Variants in RBFOX2 observed in about 807,000 individuals in gnomAD.
RBFOX2 encodes RNA binding fox-1 homolog 2, also known as RNA binding protein fox-1 homolog 2.
RBFOX2 carries 10 observed loss-of-function variants against 49.1 expected under a neutral mutation model. The observed-to-expected ratio is 0.20, with a 90% confidence interval of 0.13 to 0.35. The LOEUF is 0.35. RBFOX2 is among the 10% of genes least tolerant of loss of function. RBFOX2 has a pLI of 1.00. For missense variants in RBFOX2, 323 were observed against 486.9 expected (o/e 0.66, Z 3.17); for synonymous variants, 183 against 187.4 (o/e 0.98, Z 0.19).
At chr22:35,896,297 G>C (rs191802780) in intron 1 of RBFOX2, among the ~76,000 whole-genome samples, 1 of 152,098 alleles carries the variant, frequency 6.6e-6, no homozygotes, top group Non-Finnish European at 1.5e-5. Flanking sequence ...ATAGTACCTA[G>C]CACACAGTAG....
chr22:35,840,031 C>T (rs918266792), intron 1 of RBFOX2, among the ~76,000 whole-genome samples: 8 of 152,162 alleles, frequency 5.3e-5, no homozygotes, highest in African/African-American at 9.7e-5. Flanking sequence ...CACACATAAA[C>T]GGACTCAACA....
At chr22:35,861,664 G>A (rs1279145651) in intron 1 of RBFOX2, among the ~76,000 whole-genome samples, 3 of 152,186 alleles carry the variant, frequency 2.0e-5, no homozygotes, top group Admixed American at 6.5e-5. Context: ...TGGAGGAACC[G>A]AAAGTCTCAT....
At chr22:36,017,906 TCTG>T (rs2059104513) in intron 1 of RBFOX2, among the ~76,000 whole-genome samples, 2 of 152,180 alleles carry the variant, frequency 1.3e-5, no homozygotes, top group Admixed American at 6.5e-5. Context: ...TACCCCAGCT[TCTG>T]TTTTCAGAGA....
chr22:35,992,457 C>A (rs60534276), intron 1 of RBFOX2: 1 of 152,154 alleles, frequency 6.6e-6, no homozygotes, highest in South Asian at 2.1e-4. Context: ...TCATCTAGCC[C>A]GGCAGACTTC....
chr22:35,740,418 A>C (rs1167747489), exon 12 of RBFOX2: 3 of 152,628 alleles, frequency 2.0e-5, no homozygotes, highest in Non-Finnish European at 2.9e-5. Context: ...TGACAAAATA[A>C]AAACACACAA....
chr22:35,885,225 C>A (rs1304386853), intron 1 of RBFOX2, among the ~76,000 whole-genome samples: 25 of 152,116 alleles, frequency 1.6e-4, no homozygotes, highest in Admixed American at 1.6e-3. Flanking sequence ...CCAACACGTG[C>A]TCTGACCACC....
chr22:35,988,586 G>A (rs1014740754), intron 1 of RBFOX2, among the ~76,000 whole-genome samples: 1 of 152,090 alleles, frequency 6.6e-6, no homozygotes, highest in Admixed American at 6.6e-5. Context: ...TGCCATAAAG[G>A]GTAGAAGGAG....
At chr22:35,879,291 G>T (rs1410902349) in intron 1 of RBFOX2, among the ~76,000 whole-genome samples, 1 of 152,114 alleles carries the variant, frequency 6.6e-6, no homozygotes, top group Non-Finnish European at 1.5e-5. Context: ...ATTCGTACTG[G>T]ATATGTACAG....
At chr22:35,926,811 C>G (rs375975507) in intron 1 of RBFOX2, among the ~76,000 whole-genome samples, 1 of 152,064 alleles carries the variant, frequency 6.6e-6, no homozygotes. Context: ...AAAACCAAAC[C>G]CATTACCACC....
At chr22:35,976,818 G>A (rs1444565812) in intron 1 of RBFOX2, among the ~76,000 whole-genome samples, 2 of 152,050 alleles carry the variant, frequency 1.3e-5, no homozygotes, top group Non-Finnish European at 2.9e-5. Flanking sequence ...CAAAAAATTA[G>A]CTGGCCACAG....
At chr22:35,908,127 T>C (rs967738359) in intron 1 of RBFOX2, among the ~76,000 whole-genome samples, 3 of 152,164 alleles carry the variant, frequency 2.0e-5, no homozygotes, top group South Asian at 2.1e-4. Context: ...ACCAAAATGA[T>C]AGAAATAAAA....
intron 2 of RBFOX2, among the ~76,000 whole-genome samples, chr22:35,799,916 T>G (rs1488460140): frequency 2.6e-5 from 4 of 152,100 alleles, no homozygotes; most frequent in African/African-American, 4.8e-5. Flanking sequence ...ACCATGCCAC[T>G]GCACTCCAGC....
intron 1 of RBFOX2, among the ~76,000 whole-genome samples, chr22:36,008,992 T>C (rs1201737506): frequency 6.6e-6 from 1 of 152,098 alleles, no homozygotes; most frequent in East Asian, 1.9e-4. Context: ...ACTTCTCACA[T>C]CAATATTCTT....
At position 35,759,837 on chromosome 22, in the gene RBFOX2, G is replaced by T; in HGVS notation, c.887+51C>A. On this transcript the variant is annotated intron_variant, in intron 9 of 11. Transcript: ENST00000405409. This position sits in a 1 kb window ranked among gnomAD's most constrained non-coding sequence, Gnocchi z 4.6. ...TGAAAGGGCCATGGTATTCTTTTTTGGTCCAACTGCTTATTTTAGAAACAT... is the reference window on the plus strand; with the variant it reads ...TGAAAGGGCCATGGTATTCTTTTTTTGTCCAACTGCTTATTTTAGAAACAT... 6.3e-7 allele frequency: 1 copy of T among 1,597,062 alleles called. No homozygotes were observed. Among genetic ancestry groups the T allele is most frequent in the South Asian group, 1.1e-5 (1 of 89,820 alleles).
chr22:35,805,268 C>T (rs1172258615), intron 2 of RBFOX2, among the ~76,000 whole-genome samples: 8 of 124,998 alleles, frequency 6.4e-5, no homozygotes, highest in Admixed American at 1.0e-4. Flanking sequence ...CCAGCCTGGG[C>T]GACAGAGCGA....
intron 9 of RBFOX2, among the ~76,000 whole-genome samples, 182 bp downstream of exon 11, chr22:35,755,923 G>T (rs1409573370): frequency 6.6e-6 from 1 of 151,110 alleles, no homozygotes; most frequent in Non-Finnish European, 1.5e-5. Context: ...AAGCGCAGTG[G>T]CAGAGAAGCA....
intron 1 of RBFOX2, among the ~76,000 whole-genome samples, chr22:35,979,895 C>A (rs1404613963): frequency 6.6e-6 from 1 of 152,192 alleles, no homozygotes; most frequent in Non-Finnish European, 1.5e-5. Context: ...CATGCTACCT[C>A]ATTCGACAAA....
intron 11 of RBFOX2, 66 bp downstream of exon 13, chr22:35,745,856 TC>T: frequency 6.8e-7 from 1 of 1,474,974 alleles, no homozygotes; most frequent in African/African-American, 1.4e-5. Context: ...CCCTAGATCT[TC>T]TGTAGTCTAC....
chr22:35,922,761 A>G (rs116013901), intron 1 of RBFOX2, among the ~76,000 whole-genome samples: 3,550 of 152,270 alleles, frequency 0.023, 154 homozygotes, highest in African/African-American at 0.08. Flanking sequence ...TTCGGTACCC[A>G]CAAATAAAGT....
Sources: allele counts gnomAD v4.1 joint callset (sites outside exome capture counted in the v4.1 genomes callset), GRCh38; gene constraint gnomAD v4.1.1; non-coding constraint Gnocchi (gnomAD v3.1); transcripts MANE v1.5; gene names NCBI Gene and HGNC (gene_info 2026-07-23, HGNC 2026-07-21).